ZFAND3: variants seen among roughly 807,000 people sequenced by gnomAD.
The protein encoded by ZFAND3 is zinc finger AN1-type containing 3, also known as AN1-type zinc finger protein 3.
ZFAND3 carries 10 observed loss-of-function variants against 29.6 expected under a neutral mutation model. The observed-to-expected ratio is 0.34, with a 90% CI of 0.21 to 0.57. The LOEUF (loss-of-function observed/expected upper bound fraction) is 0.57. Ranked by LOEUF, ZFAND3 falls within the 20% of genes least tolerant of loss-of-function variation. ZFAND3 has a pLI of 0.86. For synonymous variants in ZFAND3, 128 were observed against 112.6 expected (o/e 1.14, Z -0.87); for missense variants, 230 against 304.5 (o/e 0.76, Z 1.82).
At chr6:38,127,865 C>G (rs1016586166) in intron 5 of ZFAND3, among the ~76,000 whole-genome samples, 8 of 152,174 alleles carry the variant, frequency 5.3e-5, no homozygotes, top group African/African-American at 1.9e-4. Context: ...CTGCTCCTCC[C>G]TTCCTTCAGC....
At chr6:37,997,056 G>T (rs1337640240) in intron 2 of ZFAND3, among the ~76,000 whole-genome samples, 1 of 152,180 alleles carries the variant, frequency 6.6e-6, no homozygotes, top group African/African-American at 2.4e-5. Context: ...GTGCCTGGCA[G>T]TGCCTTTATT....
chr6:37,987,844 C>G (rs1318381295), intron 2 of ZFAND3, among the ~76,000 whole-genome samples: 3 of 152,160 alleles, frequency 2.0e-5, no homozygotes. Flanking sequence ...TCTCAGCTGC[C>G]CTTTCTTTAG....
At position 38,061,917 on chromosome 6, in the gene ZFAND3, A is replaced by G. The variant is rs560105953; in HGVS notation, c.295+142A>G. ...CCACATACAAGGCCCAAGCTCAGCA[A>G]GTTAGAGAATAAGTTTCAGCCATTC... On this transcript the variant is annotated intron_variant, in intron 3 of 5. Coordinates refer to ENST00000287218, the MANE Select transcript of ZFAND3 (RefSeq NM_021943.3). The G allele has an allele frequency of 3.3e-5, 33 of 1,013,282 alleles. No individual in the cohort carries two copies. In the South Asian group the frequency reaches 5.4e-4, roughly 17 times the overall value. 62.8% of individuals were successfully genotyped at this position (1,013,282 alleles called of 1,614,324 possible). A position where few individuals can be genotyped will look rare whatever the true frequency, so the allele number is the denominator to read the frequency against.
intron 5 of ZFAND3, among the ~76,000 whole-genome samples, chr6:38,134,624 G>C (rs1263908697): frequency 6.6e-6 from 1 of 152,130 alleles, no homozygotes; most frequent in Non-Finnish European, 1.5e-5. Context: ...TATTAGATGA[G>C]ATTTCTATAG....
At chr6:38,054,086 T>C (rs967380280) in intron 2 of ZFAND3, among the ~76,000 whole-genome samples, 8 of 151,640 alleles carry the variant, frequency 5.3e-5, no homozygotes, top group African/African-American at 1.9e-4. Flanking sequence ...TTTAACTTAT[T>C]TGAAAGGACA....
At chr6:38,047,343 C>T (rs1763924716) in intron 2 of ZFAND3, among the ~76,000 whole-genome samples, 1 of 151,512 alleles carries the variant, frequency 6.6e-6, no homozygotes, top group Non-Finnish European at 1.5e-5. Flanking sequence ...AGAAATATTA[C>T]TTCTTTCAAA....
At chr6:38,118,509 T>G (rs976637015) in intron 5 of ZFAND3, among the ~76,000 whole-genome samples, 3 of 151,860 alleles carry the variant, frequency 2.0e-5, no homozygotes, top group Non-Finnish European at 4.4e-5. Context: ...AACCTTCTGT[T>G]CTTGTTTCTT....
intron 1 of ZFAND3, among the ~76,000 whole-genome samples, chr6:37,839,418 G>A (rs773459203): frequency 2.0e-5 from 3 of 152,212 alleles, no homozygotes; most frequent in Non-Finnish European, 1.5e-5. Flanking sequence ...CTGACCTCAA[G>A]TGATCTGCCT....
intron 2 of ZFAND3, among the ~76,000 whole-genome samples, chr6:38,055,686 G>A (rs1764120765): frequency 6.6e-6 from 1 of 152,200 alleles, no homozygotes; most frequent in Non-Finnish European, 1.5e-5. Context: ...TAATGAGTAA[G>A]TTGGAACAAG....
At chr6:37,891,097 C>A (rs909049168) in intron 1 of ZFAND3, among the ~76,000 whole-genome samples, 1 of 152,186 alleles carries the variant, frequency 6.6e-6, no homozygotes, top group Non-Finnish European at 1.5e-5. Context: ...AACCCGGAGT[C>A]CTCATATCCA....
intron 1 of ZFAND3, among the ~76,000 whole-genome samples, chr6:37,896,445 A>C (rs997238231): frequency 1.3e-5 from 2 of 151,652 alleles, no homozygotes; most frequent in African/African-American, 4.8e-5. Flanking sequence ...TTGGTTTGCT[A>C]AATTTTGTTT....
At chr6:37,833,989 G>C (rs147140454) in intron 1 of ZFAND3, among the ~76,000 whole-genome samples, 1 of 152,124 alleles carries the variant, frequency 6.6e-6, no homozygotes, top group East Asian at 1.9e-4. Context: ...ACATTTTATA[G>C]AATTGATGAA....
At chr6:37,990,176 T>C (rs761426551) in intron 2 of ZFAND3, among the ~76,000 whole-genome samples, 2 of 152,146 alleles carry the variant, frequency 1.3e-5, no homozygotes, top group Non-Finnish European at 2.9e-5. Context: ...AGCTGGAGAA[T>C]TTTCGTTTTT....
rs11963980 is a variant in ZFAND3 at position 38,012,896 on chromosome 6, A to G, written c.113-48697A>G. On this transcript the variant is annotated intron_variant, in intron 2 of 5. Coordinates refer to ENST00000287218, the MANE Select transcript of ZFAND3 (RefSeq NM_021943.3). ...AGGGGCTTGTTGTTTTTTATACAAA[A>G]TTCTTTTTTGTATTATAAAACATCT... Among the ~76,000 whole-genome samples the G allele has an allele frequency of 4.1e-3, 627 of 152,286 alleles. 6 individuals are homozygous for G. Among genetic ancestry groups the G allele is most frequent in the African/African-American group, 0.014 (590 of 41,546 alleles).
At chr6:37,991,692 A>G (rs908873821) in intron 2 of ZFAND3, among the ~76,000 whole-genome samples, 3 of 152,198 alleles carry the variant, frequency 2.0e-5, no homozygotes, top group Admixed American at 6.5e-5. Context: ...GCATATTTCA[A>G]AGGCTTGTGG....
At chr6:38,116,233 C>T (rs1163170933) in intron 4 of ZFAND3, among the ~76,000 whole-genome samples, 1 of 152,190 alleles carries the variant, frequency 6.6e-6, no homozygotes. Context: ...ATCTAGGTCC[C>T]AGCAAGGGAA....
chr6:38,144,231 ATTTTT>A (rs67159019), intron 5 of ZFAND3, among the ~76,000 whole-genome samples: 83 of 75,266 alleles, frequency 1.1e-3, no homozygotes, highest in African/African-American at 3.4e-3. Context: ...ATATATATAT[ATTTTT>A]TTTTTAATAA....
At chr6:38,114,689 G>A (rs1765383699) in intron 4 of ZFAND3, among the ~76,000 whole-genome samples, 1 of 151,936 alleles carries the variant, frequency 6.6e-6, no homozygotes, top group Admixed American at 6.5e-5. Flanking sequence ...CTTGGGTGAA[G>A]TGCAGCATCT....
chr6:38,035,503 T>C (rs1763640727), intron 2 of ZFAND3, among the ~76,000 whole-genome samples: 1 of 152,204 alleles, frequency 6.6e-6, no homozygotes, highest in Non-Finnish European at 1.5e-5. Context: ...ATTTGTTTTC[T>C]TAGGTACCCA....
Sources: gnomAD v4.1 joint callset for allele counts (sites outside exome capture counted in the v4.1 genomes callset) on GRCh38, gnomAD v4.1.1 for gene constraint, MANE v1.5 for transcripts, NCBI Gene and HGNC (gene_info 2026-07-23, HGNC 2026-07-21) for gene names.